The following KDM4B variants were observed in gnomAD, a reference collection of about 807,000 sequenced individuals.
KDM4B encodes lysine-specific demethylase 4B.
In KDM4B, 32 loss-of-function variants were observed where a neutral mutation model predicts 125.2. That is an observed-to-expected ratio of 0.26 (90% confidence interval 0.19 to 0.34). The LOEUF is 0.34. Among genes scored for constraint, KDM4B ranks in the 10% least tolerant of loss-of-function variants. KDM4B has a pLI of 1.00. For missense variants in KDM4B, 1,190 were observed against 1,577.7 expected (o/e 0.75, Z 4.16); for synonymous variants, 721 against 677.9 (o/e 1.06, Z -0.99).
Position 5,142,306 on chromosome 19 carries a change from C to T in KDM4B, c.2551-1661C>T, listed in dbSNP as rs1321147064. Reference sequence around the variant, plus strand: ...GGATGTGGGTCTTCAAACTGCGGCTCCCAGGAAGGGAGGTGACGGCCAAGA... The same window carrying T: ...GGATGTGGGTCTTCAAACTGCGGCTTCCAGGAAGGGAGGTGACGGCCAAGA... On this transcript the variant is annotated intron_variant, in intron 18 of 22. Coordinates refer to ENST00000159111, the MANE Select transcript of KDM4B (RefSeq NM_015015.3). The surrounding 1 kb of genome is among the most constrained non-coding windows in gnomAD (Gnocchi z 5.4). Among the ~76,000 whole-genome samples, 1 of 152,124 alleles carries T rather than the reference C, an allele frequency of 6.6e-6. No homozygotes were observed. The highest frequency in any genetic ancestry group is 1.5e-5 in the Non-Finnish European group (1 of 68,008).
At position 5,114,416 on chromosome 19, in the gene KDM4B, G is replaced by A. The variant is rs1327797585; in HGVS notation, c.1115+3598G>A. 4 of 440,730 alleles carry A rather than the reference G, an allele frequency of 9.1e-6. No homozygotes were observed. The highest frequency in any genetic ancestry group is 2.5e-5 in the Admixed American group (1 of 39,330). 27.3% of individuals were successfully genotyped at this position (440,730 alleles called of 1,614,324 possible). On this transcript the variant is annotated intron_variant, in intron 10 of 22. Transcript: ENST00000159111. The surrounding 1 kb of genome is among the most constrained non-coding windows in gnomAD (Gnocchi z 5.8). ...AGGACACCGCCACGCCTCTGGCCCC[G>A]ACTCCTGCCAGGGCTGCCACGGCTG...
At position 5,110,618 on chromosome 19, in the gene KDM4B, G is replaced by T. The variant is rs574490264; in HGVS notation, c.919-4G>T. The T allele has an allele frequency of 6.2e-7, 1 of 1,612,746 alleles. No homozygotes were observed. Among genetic ancestry groups the T allele is most frequent in the Middle Eastern group, 1.7e-4 (1 of 6,058 alleles). On this transcript the variant is annotated splice_polypyrimidine_tract_variant and splice_region_variant and intron_variant, in intron 9 of 22. Transcript: ENST00000159111. ...GAGGGCTCAGACCGTGTCCCCTGCC[G>T]CAGTGCACGTGCCGGAAGGACATGG...
chr19:5,126,313 C>T (rs919095314), intron 11 of KDM4B, among the ~76,000 whole-genome samples: 1 of 152,012 alleles, frequency 6.6e-6, no homozygotes, highest in Non-Finnish European at 1.5e-5. Flanking sequence ...TATTGCCCAG[C>T]GCTAGGAGGG....
intron 10 of KDM4B, 88 bp downstream of exon 10, chr19:5,110,906 G>A (rs1434414798): frequency 2.7e-6 from 3 of 1,092,588 alleles, no homozygotes; most frequent in Non-Finnish European, 1.3e-6. Context: ...CACTGGCAGG[G>A]GCTCCGGGCC....
At chr19:4,970,079 G>A (rs1447686593) in intron 1 of KDM4B, among the ~76,000 whole-genome samples, 2 of 152,016 alleles carry the variant, frequency 1.3e-5, no homozygotes, top group African/African-American at 2.4e-5. Context: ...GGACGGACTC[G>A]CTCTGAAATC....
At chr19:5,043,028 G>A (rs760246246) in intron 5 of KDM4B, among the ~76,000 whole-genome samples, 2 of 149,748 alleles carry the variant, frequency 1.3e-5, no homozygotes, top group African/African-American at 4.9e-5. Context: ...TTGTGGCGTC[G>A]TTATCGGTAC....
intron 12 of KDM4B, 76 bp from the exon 13 acceptor site, chr19:5,131,811 C>T: frequency 6.3e-7 from 1 of 1,592,804 alleles, no homozygotes; most frequent in South Asian, 1.1e-5. Flanking sequence ...GCACGCCGAG[C>T]CCCTGTGTGG....
Position 5,035,082 on chromosome 19 carries a change from T to G in KDM4B, c.141+2051T>G, listed in dbSNP as rs1235531996. 6.6e-6 allele frequency among the ~76,000 whole-genome samples: 1 copy of G among 152,120 alleles called. No individual in the cohort carries two copies. Among genetic ancestry groups the G allele is most frequent in the African/African-American group, 2.4e-5 (1 of 41,412 alleles). On this transcript the variant is annotated intron_variant, in intron 3 of 22. Coordinates refer to ENST00000159111, the MANE Select transcript of KDM4B (RefSeq NM_015015.3). This position sits in a 1 kb window ranked among gnomAD's most constrained non-coding sequence, Gnocchi z 5.3. Reference sequence around the variant, plus strand: ...GGGGCTGCTGCCGTCCCGGCTTCAGTTCTGTCTTTAAAAGGCTTTGGTCCT... The same window carrying G: ...GGGGCTGCTGCCGTCCCGGCTTCAGGTCTGTCTTTAAAAGGCTTTGGTCCT...
intron 1 of KDM4B, among the ~76,000 whole-genome samples, chr19:4,983,819 C>T (rs2034734446): frequency 6.6e-6 from 1 of 152,174 alleles, no homozygotes; most frequent in Admixed American, 6.5e-5. Context: ...GGAGGATTCG[C>T]AGCAGGGAGG....
rs1043178337 is a variant in KDM4B at position 4,971,872 on chromosome 19, C to T, written c.-109+2642C>T. Among the ~76,000 whole-genome samples the T allele has an allele frequency of 1.4e-5, 2 of 148,106 alleles. No homozygotes were observed. The highest frequency in any genetic ancestry group is 3.0e-5 in the Non-Finnish European group (2 of 67,678). ...CCCAGTCACTTGCTCAGTGACAAAG[C>T]AGATCGGGGGCACTAAATCTTTCGG... On this transcript the variant is annotated intron_variant, in intron 1 of 22. Coordinates refer to ENST00000159111, the MANE Select transcript of KDM4B (RefSeq NM_015015.3). This position sits in a 1 kb window ranked among gnomAD's most constrained non-coding sequence, Gnocchi z 4.1.
At chr19:5,073,284 A>G (rs2038003776) in intron 7 of KDM4B, among the ~76,000 whole-genome samples, 1 of 152,356 alleles carries the variant, frequency 6.6e-6, no homozygotes, top group African/African-American at 2.4e-5. Context: ...TGCTGCAGGC[A>G]TGACACCCCA....
At chr19:5,099,510 A>G (rs1280062116) in intron 9 of KDM4B, among the ~76,000 whole-genome samples, 1 of 152,208 alleles carries the variant, frequency 6.6e-6, no homozygotes, top group Non-Finnish European at 1.5e-5. Context: ...TGAACTGGAA[A>G]TCTCAGAGGC....
chr19:5,138,395 C>T (rs959342578), intron 18 of KDM4B: 9 of 332,894 alleles, frequency 2.7e-5, no homozygotes, highest in African/African-American at 1.7e-4. Flanking sequence ...AGCAGAGGCA[C>T]CGCACGTGCC....
intron 1 of KDM4B, among the ~76,000 whole-genome samples, chr19:5,002,595 C>T (rs2035425874): frequency 6.6e-6 from 1 of 151,086 alleles, no homozygotes; most frequent in African/African-American, 2.4e-5. Flanking sequence ...CTCAAGCAGT[C>T]TTCCTGCCTT....
intron 8 of KDM4B, chr19:5,077,678 C>T (rs764534374): frequency 3.4e-5 from 19 of 554,226 alleles, no homozygotes; most frequent in Admixed American, 1.0e-4. Flanking sequence ...TTGAATCTGG[C>T]GGGGTGTTAA....
At chr19:5,107,935 C>T (rs578228836) in intron 9 of KDM4B, among the ~76,000 whole-genome samples, 59 of 152,356 alleles carry the variant, frequency 3.9e-4, no homozygotes, top group East Asian at 2.7e-3. Flanking sequence ...CCTGCAGAGC[C>T]ACGTGGAGAC....
At position 5,090,257 on chromosome 19, in the gene KDM4B, C is replaced by T. The variant is rs560371152; in HGVS notation, c.918+7753C>T. ...CCTAGCCACACACCTCGCTGCATGC[C>T]CTGGCCTCGCCAGGCTGAGGCTTAG... On this transcript the variant is annotated intron_variant, in intron 9 of 22. Transcript: ENST00000159111. 9.9e-5 allele frequency among the ~76,000 whole-genome samples: 15 copies of T among 152,136 alleles called. No homozygotes were observed. In the East Asian group the frequency reaches 2.7e-3, roughly 28 times the overall value.
Position 5,016,326 on chromosome 19 carries a change from C to T in KDM4B, c.-39C>T, listed in dbSNP as rs1352762670. On this transcript the variant is annotated 5_prime_UTR_variant, in exon 2 of 23. Coordinates refer to ENST00000159111, the MANE Select transcript of KDM4B (RefSeq NM_015015.3). ...TTTTGGAGCATCTCCACCCAGGAACCTCGCCATCCAGAAGTAAGTAACACG... is the reference window on the plus strand; with the variant it reads ...TTTTGGAGCATCTCCACCCAGGAACTTCGCCATCCAGAAGTAAGTAACACG... The T allele has an allele frequency of 1.3e-5, 2 of 152,220 alleles. No individual in the cohort carries two copies. Among genetic ancestry groups the T allele is most frequent in the African/African-American group, 4.8e-5 (2 of 41,460 alleles). The allele number at this position is 152,220 out of a possible 1,614,324, so 9.4% of individuals were successfully genotyped here.
rs1356573758 is a variant in KDM4B, at chr19:5,113,781, T to C, written c.1115+2963T>C. 9 of 630,204 alleles carry C rather than the reference T, an allele frequency of 1.4e-5. No homozygotes were observed. The Admixed American group carries it at 5.7e-4, about 40-fold the overall frequency. The allele number at this position is 630,204 out of a possible 1,614,324, so 39.0% of individuals were successfully genotyped here. ...GTCCCCCGCGTGGGAACCCCTGCCC[T>C]AGACCAAGGGATGGCATCAGGGTGG... On this transcript the variant is annotated intron_variant, in intron 10 of 22. Transcript: ENST00000159111.
Sources: allele counts gnomAD v4.1 joint callset (sites outside exome capture counted in the v4.1 genomes callset), GRCh38; gene constraint gnomAD v4.1.1; non-coding constraint Gnocchi (gnomAD v3.1); transcripts MANE v1.5; gene names NCBI Gene and HGNC (gene_info 2026-07-23, HGNC 2026-07-21).